UMAD1: variants seen among roughly 807,000 people sequenced by gnomAD.
UMAD1 encodes UBAP1-MVB12-associated (UMA) domain containing 1.
UMAD1 carries 8 observed loss-of-function variants against 6.1 expected under a neutral mutation model. That is an observed-to-expected ratio of 1.30 (90% CI 0.76 to 2.35). UMAD1 has a LOEUF of 2.35. Ranked by LOEUF, UMAD1 falls within the 30% of genes most tolerant of loss-of-function variation. The pLI is 0.00. For synonymous variants in UMAD1, 56 were observed against 31.4 expected, an observed-to-expected ratio of 1.78 and a Z score of -2.61; for missense variants, 130 against 78.4, an observed-to-expected ratio of 1.66 and a Z score of -2.49.
chr7:7,717,166 C>G (rs1338805104), intron 2 of UMAD1, among the ~76,000 whole-genome samples: 2 of 151,052 alleles, frequency 1.3e-5, no homozygotes, highest in African/African-American at 4.9e-5. Flanking sequence ...AAGCGATTCT[C>G]TCACCTCTGC....
chr7:7,857,330 T>G (rs984085351), intron 3 of UMAD1, among the ~76,000 whole-genome samples: 1 of 152,242 alleles, frequency 6.6e-6, no homozygotes, highest in Non-Finnish European at 1.5e-5. Context: ...CATAATTGGT[T>G]CAGGAATCAT....
chr7:7,845,968 CTAAGCTT>C (rs1340667124), intron 3 of UMAD1, among the ~76,000 whole-genome samples: 10 of 152,200 alleles, frequency 6.6e-5, no homozygotes, highest in Admixed American at 4.6e-4. Flanking sequence ...TTTTCTCTTG[CTAAGCTT>C]TAACACTCTC....
intron 2 of UMAD1, among the ~76,000 whole-genome samples, chr7:7,737,537 C>A (rs1781384714): frequency 1.3e-5 from 2 of 150,526 alleles, no homozygotes; most frequent in South Asian, 4.2e-4. Flanking sequence ...AAACTACTGC[C>A]ACAGCATGAA....
intron 3 of UMAD1, among the ~76,000 whole-genome samples, chr7:7,828,197 T>A (rs1035773748): frequency 6.6e-6 from 1 of 152,188 alleles, no homozygotes; most frequent in East Asian, 1.9e-4. Context: ...GGATGTTTGA[T>A]AGTCGCTGGT....
chr7:7,715,221 G>C lies in UMAD1; in HGVS notation c.82+41768G>C, dbSNP rs563124023. On this transcript the variant is annotated intron_variant, in intron 2 of 3. Coordinates refer to ENST00000682710, the MANE Select transcript of UMAD1 (RefSeq NM_001302348.2). ...TGCATTGTCTTCACATCCTTTTTCT[G>C]AGTACCTGAGACAAAGTGAACTACA... is the stretch of plus-strand genomic sequence containing the variant. 16 of 152,174 alleles carry C rather than the reference G, an allele frequency of 1.1e-4. No individual in the cohort carries two copies. In the East Asian group the frequency reaches 3.1e-3, roughly 29 times the overall value. The allele number at this position is 152,174 out of a possible 1,614,324, so 9.4% of individuals were successfully genotyped here. A position where few individuals can be genotyped will look rare whatever the true frequency, so the allele number is the denominator to read the frequency against.
At chr7:7,722,505 C>T (rs188483533) in intron 2 of UMAD1, among the ~76,000 whole-genome samples, 8 of 152,220 alleles carry the variant, frequency 5.3e-5, no homozygotes, top group Admixed American at 1.3e-4. Flanking sequence ...TGACTCTGTA[C>T]ATAATACCTT....
chr7:7,700,625 C>G (rs965243856), intron 2 of UMAD1, among the ~76,000 whole-genome samples: 1 of 152,120 alleles, frequency 6.6e-6, no homozygotes, highest in Non-Finnish European at 1.5e-5. Context: ...CGGTGGCTCA[C>G]GCCTGTAATC....
chr7:7,684,688 T>A (rs1563120406), intron 2 of UMAD1, among the ~76,000 whole-genome samples: 1 of 152,238 alleles, frequency 6.6e-6, no homozygotes, highest in Non-Finnish European at 1.5e-5. Flanking sequence ...TTCCAACTGA[T>A]CTATGACTCT....
intron 3 of UMAD1, among the ~76,000 whole-genome samples, chr7:7,842,057 G>A (rs1783691689): frequency 1.3e-5 from 2 of 152,036 alleles, no homozygotes; most frequent in Non-Finnish European, 2.9e-5. Context: ...GTCTCTGTCG[G>A]GTATGTTAGG....
intron 3 of UMAD1, among the ~76,000 whole-genome samples, chr7:7,831,037 T>C (rs1212225952): frequency 6.6e-6 from 1 of 152,178 alleles, no homozygotes; most frequent in Non-Finnish European, 1.5e-5. Flanking sequence ...GAAGATAATA[T>C]TACAACAAAT....
chr7:7,668,563 G>T (rs574816311), intron 1 of UMAD1, among the ~76,000 whole-genome samples: 2 of 152,170 alleles, frequency 1.3e-5, no homozygotes, highest in East Asian at 3.9e-4. Flanking sequence ...TAGCATCATG[G>T]ATGGGTTCTT....
At chr7:7,658,972 T>C (rs1484982630) in intron 1 of UMAD1, among the ~76,000 whole-genome samples, 1 of 152,208 alleles carries the variant, frequency 6.6e-6, no homozygotes, top group African/African-American at 2.4e-5. Context: ...AATTACTGCC[T>C]CAATTTCAGA....
chr7:7,676,608 A>G (rs1383325860), intron 2 of UMAD1, among the ~76,000 whole-genome samples: 2 of 152,190 alleles, frequency 1.3e-5, no homozygotes, highest in South Asian at 4.1e-4. Flanking sequence ...ATTTGTTTTA[A>G]TAAAAGAAGG....
At chr7:7,796,465 G>T (rs1186054710) in intron 2 of UMAD1, among the ~76,000 whole-genome samples, 1 of 151,826 alleles carries the variant, frequency 6.6e-6, no homozygotes, top group African/African-American at 2.4e-5. Context: ...TGGACAGGCT[G>T]GTTTCGAACT....
intron 2 of UMAD1, among the ~76,000 whole-genome samples, chr7:7,695,682 G>A (rs541792273): frequency 2.0e-5 from 3 of 152,240 alleles, no homozygotes; most frequent in South Asian, 2.1e-4. Flanking sequence ...TTGCTTCTGA[G>A]CATATGCAAC....
intron 3 of UMAD1, among the ~76,000 whole-genome samples, chr7:7,856,699 C>G (rs1180047014): frequency 6.6e-6 from 1 of 152,006 alleles, no homozygotes; most frequent in Non-Finnish European, 1.5e-5. Flanking sequence ...ATTTTTTATT[C>G]TATTGATGTG....
Position 7,830,953 on chromosome 7 carries a change from T to TA in UMAD1, c.156+29216dup, listed in dbSNP as rs1315342693. ...TGGCTACAAGAATATTTTTTAATTA[T>TA]AAAAAATATACCAGTCCTTAAAATA... On this transcript the variant is annotated intron_variant, in intron 3 of 3. Coordinates refer to ENST00000682710, the MANE Select transcript of UMAD1 (RefSeq NM_001302348.2). The surrounding 1 kb of genome is among the most constrained non-coding windows in gnomAD (Gnocchi z 5.3). 2.0e-5 allele frequency among the ~76,000 whole-genome samples: 3 copies of TA among 152,132 alleles called. No individual in the cohort carries two copies. The highest frequency in any genetic ancestry group is 6.5e-5 in the Admixed American group (1 of 15,278).
intron 1 of UMAD1, among the ~76,000 whole-genome samples, chr7:7,654,134 CA>C (rs1168222557): frequency 1.3e-5 from 2 of 152,202 alleles, no homozygotes; most frequent in Non-Finnish European, 2.9e-5. Context: ...GACCATAGGG[CA>C]TTCAATTAAA....
chr7:7,655,984 C>T (rs1421622825), intron 1 of UMAD1, among the ~76,000 whole-genome samples: 7 of 152,030 alleles, frequency 4.6e-5, no homozygotes, highest in African/African-American at 1.7e-4. Flanking sequence ...TACAGGCATG[C>T]GCCATCATGC....
Sources: allele counts gnomAD v4.1 joint callset (sites outside exome capture counted in the v4.1 genomes callset), GRCh38; gene constraint gnomAD v4.1.1; non-coding constraint Gnocchi (gnomAD v3.1); transcripts MANE v1.5; gene names NCBI Gene and HGNC (gene_info 2026-07-23, HGNC 2026-07-21).